ZFAT: variants seen among roughly 807,000 people sequenced by gnomAD.
ZFAT encodes zinc finger and AT-hook domain containing.
Under a neutral mutation model 117.7 loss-of-function variants are expected in ZFAT, and 64 were observed. The ratio of observed to expected loss-of-function variants is 0.54; its 90% CI spans 0.44 to 0.67. The LOEUF (loss-of-function observed/expected upper bound fraction) is 0.67. ZFAT is among the 30% of genes least tolerant of loss of function. The pLI is 0.00. For synonymous variants in ZFAT, 679 were observed against 615.0 expected, an observed-to-expected ratio of 1.10 and a Z score of -1.54; for missense variants, 1,433 against 1,584.5, an observed-to-expected ratio of 0.90 and a Z score of 1.62.
At chr8:134,776,478 T>G in the ZFAT span, among the ~76,000 whole-genome samples, 1 of 146,684 alleles carries the variant, frequency 6.8e-6, no homozygotes, top group Non-Finnish European at 1.5e-5. Flanking sequence ...AGTTATTTTA[T>G]TTTTTTGTAG....
intron 1 of ZFAT, among the ~76,000 whole-genome samples, chr8:134,673,820 A>C (rs1277731066): frequency 6.6e-6 from 1 of 152,214 alleles, no homozygotes; most frequent in Non-Finnish European, 1.5e-5. Context: ...CAACATCAAG[A>C]ATTTGAAGCA....
chr8:134,706,474 T>C (rs1172853550), intron 1 of ZFAT, among the ~76,000 whole-genome samples: 1 of 152,098 alleles, frequency 6.6e-6, no homozygotes. Flanking sequence ...GGCAAATCAC[T>C]TGAGGTCAGG....
intron 1 of ZFAT, among the ~76,000 whole-genome samples, chr8:134,662,569 C>G (rs1287340258): frequency 6.6e-6 from 1 of 152,126 alleles, no homozygotes; most frequent in Non-Finnish European, 1.5e-5. Context: ...AGCAGGCACC[C>G]TCATCAGGCC....
At chr8:134,689,355 C>T (rs1305186316) in intron 1 of ZFAT, among the ~76,000 whole-genome samples, 2 of 152,228 alleles carry the variant, frequency 1.3e-5, no homozygotes, top group Non-Finnish European at 2.9e-5. Flanking sequence ...GGAGCGGTAA[C>T]ACTGTCACTG....
At chr8:134,711,483 G>A (rs1278572547) in intron 1 of ZFAT, among the ~76,000 whole-genome samples, 1 of 152,168 alleles carries the variant, frequency 6.6e-6, no homozygotes, top group Non-Finnish European at 1.5e-5. Context: ...GGGCACCACA[G>A]CTAATCAGCG....
chr8:134,679,473 G>A (rs1015127720), intron 1 of ZFAT, among the ~76,000 whole-genome samples: 1 of 152,196 alleles, frequency 6.6e-6, no homozygotes, highest in Non-Finnish European at 1.5e-5. Context: ...AAATACTAAC[G>A]CTTTTACACT....
At chr8:134,710,610 G>T (rs1315167988) in intron 1 of ZFAT, among the ~76,000 whole-genome samples, 3 of 152,162 alleles carry the variant, frequency 2.0e-5, no homozygotes, top group Non-Finnish European at 4.4e-5. Context: ...TAGAATTCCA[G>T]ATGTTTTTGG....
At position 134,499,198 on chromosome 8, in the gene ZFAT, G is replaced by C. The variant is rs371132610; in HGVS notation, c.3492+10421C>G. ...GCTGGTTACACACAGAGCCTGATTT[G>C]GGAGGGTTGGGGTGGAGCTGGGATG... is the stretch of plus-strand genomic sequence containing the variant. On this transcript the variant is annotated intron_variant, in intron 15 of 15. Transcript: ENST00000377838. 6.6e-5 allele frequency among the ~76,000 whole-genome samples: 9 copies of C among 135,532 alleles called. 1 individual carries two copies. The highest frequency in any genetic ancestry group is 2.6e-4 in the South Asian group (1 of 3,896). The allele number at this position is 135,532 out of a possible 152,430, so 88.9% of individuals were successfully genotyped here.
chr8:134,484,301 G>A (rs1187161204), intron 15 of ZFAT, among the ~76,000 whole-genome samples: 1 of 152,222 alleles, frequency 6.6e-6, no homozygotes, highest in Non-Finnish European at 1.5e-5. Flanking sequence ...TTAGGCTGGT[G>A]CAAAAGTAAC....
intron 5 of ZFAT, among the ~76,000 whole-genome samples, chr8:134,604,391 G>A (rs1184587629): frequency 6.6e-6 from 1 of 152,200 alleles, no homozygotes; most frequent in Non-Finnish European, 1.5e-5. Flanking sequence ...TGACTGTACT[G>A]CAAAGAAGTC....
chr8:134,609,741 G>A (rs903185375), intron 4 of ZFAT, among the ~76,000 whole-genome samples: 1 of 152,088 alleles, frequency 6.6e-6, no homozygotes, highest in East Asian at 1.9e-4. Context: ...TTTAAATTAA[G>A]GGTCCTATCC....
the ZFAT span, among the ~76,000 whole-genome samples, chr8:134,760,273 GAAA>G: frequency 6.6e-4 from 85 of 128,752 alleles, no homozygotes; most frequent in Middle Eastern, 0.013. Context: ...GTCTCAAAAA[GAAA>G]AAAAAAAAAA....
chr8:134,637,628 A>C lies in ZFAT; in HGVS notation c.281T>G (p.Ile94Ser). The change falls in exon 3 of 16, where the codon ATC becomes AGC. Residue 94 changes from isoleucine to serine, a missense_variant. Transcript: ENST00000377838. ...CGGGCTGTCCTCAGTCGGACTCACG[A>C]TGTTTTCTGCCAGCTCCTCTTCTGT... ...SSTEEELAENIVSPTEDSPLA... is the reference protein window; with the variant it reads ...SSTEEELAENSVSPTEDSPLA... 6.2e-7 allele frequency: 1 copy of C among 1,614,112 alleles called. No individual in the cohort carries two copies. Among genetic ancestry groups the C allele is most frequent in the Non-Finnish European group, 8.5e-7 (1 of 1,180,030 alleles).
intron 14 of ZFAT, 76 bp from the exon 15 acceptor site, chr8:134,509,825 C>T (rs745654965): frequency 4.8e-5 from 73 of 1,519,326 alleles, no homozygotes; most frequent in Non-Finnish European, 6.2e-5. Context: ...ACCAGCCTGT[C>T]TGTTCTCTCG....
At chr8:134,717,436 A>ACC (rs1814223153), upstream of ZFAT, among the ~76,000 whole-genome samples, 1 of 140,338 alleles carries the variant, frequency 7.1e-6, no homozygotes, top group African/African-American at 2.6e-5. Context: ...TGTAGAGATG[A>ACC]CAAAGAAATT....
intron 11 of ZFAT, among the ~76,000 whole-genome samples, chr8:134,563,475 G>C (rs886470866): frequency 1.3e-5 from 2 of 152,154 alleles, no homozygotes; most frequent in Non-Finnish European, 2.9e-5. Flanking sequence ...CTACAAGAGG[G>C]GGAACCATGA....
At chr8:134,559,845 C>T (rs1206302393) in intron 11 of ZFAT, among the ~76,000 whole-genome samples, 2 of 151,948 alleles carry the variant, frequency 1.3e-5, no homozygotes, top group Admixed American at 1.3e-4. Context: ...TTTATATATC[C>T]TTTGCCTATT....
chr8:134,568,573 A>G (rs1824648406), intron 10 of ZFAT, among the ~76,000 whole-genome samples: 1 of 152,262 alleles, frequency 6.6e-6, no homozygotes, highest in Non-Finnish European at 1.5e-5. Context: ...TAACAGATTA[A>G]GAGCTAAAAA....
chr8:134,701,587 C>T (rs973758573), intron 1 of ZFAT, among the ~76,000 whole-genome samples: 3 of 152,200 alleles, frequency 2.0e-5, no homozygotes, highest in Admixed American at 6.5e-5. Context: ...GATTTCCATA[C>T]TGTTTTCCAC....
Sources: gnomAD v4.1 joint callset for allele counts (sites outside exome capture counted in the v4.1 genomes callset) on GRCh38, gnomAD v4.1.1 for gene constraint, MANE v1.5 for transcripts, NCBI Gene and HGNC (gene_info 2026-07-23, HGNC 2026-07-21) for gene names.